GALNT11: variants seen among roughly 807,000 people sequenced by gnomAD.
The protein encoded by GALNT11 is polypeptide N-acetylgalactosaminyltransferase 11.
A neutral mutation model predicts 72.7 loss-of-function variants in GALNT11; 47 were observed. The observed-to-expected ratio is 0.65, with a 90% CI of 0.51 to 0.82. The LOEUF (loss-of-function observed/expected upper bound fraction) is 0.82. Ranked by LOEUF, GALNT11 falls within the 40% of genes least tolerant of loss-of-function variation. The pLI is 0.00. For missense variants in GALNT11, 677 were observed against 778.4 expected, an observed-to-expected ratio of 0.87 and a Z score of 1.55; for synonymous variants, 270 against 286.6, an observed-to-expected ratio of 0.94 and a Z score of 0.58.
At chr7:152,026,136 C>A (rs949139890) in intron 1 of GALNT11, among the ~76,000 whole-genome samples, 3 of 152,140 alleles carry the variant, frequency 2.0e-5, no homozygotes, top group African/African-American at 7.2e-5. Flanking sequence ...GCGCTGGCCT[C>A]GTTTTCGCGT....
intron 2 of GALNT11, among the ~76,000 whole-genome samples, chr7:152,099,515 C>T (rs2086638072): frequency 6.8e-6 from 1 of 147,692 alleles, no homozygotes; most frequent in African/African-American, 2.5e-5. Flanking sequence ...GGGAATGCAC[C>T]ACCACTCCCG....
rs1204509628 is a variant in GALNT11, at chr7:152,121,643, G to T, written c.1793G>T (p.Gly598Val). The T allele has an allele frequency of 6.2e-7, 1 of 1,614,226 alleles. No homozygotes were observed. The change falls in exon 12 of 12, where the codon GGC becomes GTC. Residue 598 changes from glycine (G) to valine (V), a missense_variant. By Grantham distance (109) the Gly-to-Val change is moderately radical. Coordinates refer to ENST00000430044, the MANE Select transcript of GALNT11 (RefSeq NM_022087.4). ...KGSVAMAICD[G>V]SSSQQWHLEG ...TCTGTCGCCATGGCGATCTGCGATG[G>T]CTCCTCTTCACAGCAGTGGCATTTG...
chr7:152,105,185 T>C (rs2087399167), intron 4 of GALNT11, 60 bp from the exon 5 acceptor site: 3 of 1,544,522 alleles, frequency 1.9e-6, no homozygotes, highest in Non-Finnish European at 2.6e-6. Flanking sequence ...TTAGAATAGC[T>C]GTAAAGTGTC....
chr7:152,078,928 C>T lies in GALNT11; in HGVS notation c.-38-15262C>T, dbSNP rs75262671. The stretch of plus-strand genomic sequence containing the variant: ...CAGGAATTTCAGCATAATGGGCAGT[C>T]AGGGGGCAGAGCCCCTCACTGGCAC... On this transcript the variant is annotated intron_variant, in intron 1 of 11. Transcript: ENST00000430044. Among the ~76,000 whole-genome samples the T allele has an allele frequency of 9.4e-3, 1,429 of 152,294 alleles. 18 individuals are homozygous for T. Among genetic ancestry groups the T allele is most frequent in the African/African-American group, 0.033 (1,361 of 41,552 alleles).
intron 1 of GALNT11, among the ~76,000 whole-genome samples, chr7:152,036,008 G>A (rs1366969825): frequency 3.9e-5 from 6 of 152,232 alleles, no homozygotes; most frequent in South Asian, 2.1e-4. Context: ...TGCTGCTGGC[G>A]CAACTGTCCT....
chr7:152,106,606 C>G (rs935029128), intron 5 of GALNT11, among the ~76,000 whole-genome samples: 1 of 152,086 alleles, frequency 6.6e-6, no homozygotes, highest in African/African-American at 2.4e-5. Flanking sequence ...AAGTGAAAAT[C>G]CTGGGGTATT....
chr7:152,106,272 T>TTCCTATATTCCACG (rs890593611), intron 5 of GALNT11, among the ~76,000 whole-genome samples: 3 of 152,256 alleles, frequency 2.0e-5, no homozygotes, highest in African/African-American at 7.2e-5. Context: ...ACTGCAGTCC[T>TTCCTATATTCCACG]TCCTATATTC....
chr7:152,054,881 G>A (rs1309115560), intron 1 of GALNT11, among the ~76,000 whole-genome samples: 2 of 151,990 alleles, frequency 1.3e-5, no homozygotes, highest in Non-Finnish European at 2.9e-5. Context: ...TGTTTGTTAG[G>A]GTTCTCCAGA....
intron 1 of GALNT11, among the ~76,000 whole-genome samples, chr7:152,027,063 C>T (rs2082053958): frequency 6.6e-6 from 1 of 152,196 alleles, no homozygotes; most frequent in South Asian, 2.1e-4. Context: ...TCCTGGCTAA[C>T]ACGGTGAAAT....
In GALNT11 at chr7:152,108,230, G is replaced by A; in HGVS notation, c.905G>A (p.Trp302Ter). 2 of 1,614,082 alleles carry A rather than the reference G, an allele frequency of 1.2e-6. No individual in the cohort carries two copies. The highest frequency in any genetic ancestry group is 1.7e-6 in the Non-Finnish European group (2 of 1,179,954). Residue 302 changes from tryptophan to a stop codon, truncating the protein, a stop_gained, in exon 6 of 12, where the codon TGG (tryptophan) becomes TAG (stop). Coordinates refer to ENST00000430044, the MANE Select transcript of GALNT11 (RefSeq NM_022087.4). LOFTEE classifies it high-confidence loss of function. ...TTCAACTGGGGACTGCACTTCAAAT[G>A]GGATCTTGTCCCCCTTTCTGAGCTA... ...GGFNWGLHFK[W>*]DLVPLSELGR...
intron 1 of GALNT11, among the ~76,000 whole-genome samples, chr7:152,038,121 CATT>C (rs2082673864): frequency 1.3e-5 from 2 of 152,174 alleles, no homozygotes; most frequent in Admixed American, 6.6e-5. Context: ...TTGCAGAGAT[CATT>C]CACTGCCGAG....
intron 10 of GALNT11, 185 bp from the exon 11 acceptor site, chr7:152,120,646 C>T (rs1248174213): frequency 1.0e-5 from 6 of 572,376 alleles, no homozygotes; most frequent in Non-Finnish European, 1.5e-5. Flanking sequence ...AATAGCACCT[C>T]ACTTTCTCCT....
intron 10 of GALNT11, 99 bp from the exon 11 acceptor site, chr7:152,120,732 G>A: frequency 1.8e-6 from 2 of 1,090,718 alleles, no homozygotes; most frequent in Non-Finnish European, 2.7e-6. Flanking sequence ...GTCTGTTTCT[G>A]CTTTGAGACC....
At chr7:152,096,283 A>T (rs2086366218) in intron 2 of GALNT11, among the ~76,000 whole-genome samples, 1 of 152,250 alleles carries the variant, frequency 6.6e-6, no homozygotes, top group South Asian at 2.1e-4. Flanking sequence ...CCTAAAATTA[A>T]TATGGAATTA....
intron 1 of GALNT11, among the ~76,000 whole-genome samples, chr7:152,071,488 T>A (rs1317315284): frequency 1.3e-5 from 2 of 152,214 alleles, no homozygotes; most frequent in Non-Finnish European, 2.9e-5. Flanking sequence ...TATCCTGTTC[T>A]TTTTTCAAGG....
chr7:152,031,608 C>G (rs1414169764), intron 1 of GALNT11, among the ~76,000 whole-genome samples: 2 of 152,204 alleles, frequency 1.3e-5, no homozygotes, highest in Admixed American at 6.5e-5. Flanking sequence ...GTGAGGCCAG[C>G]CTTTTGCTAC....
At chr7:152,087,591 G>A (rs2085731162) in intron 1 of GALNT11, among the ~76,000 whole-genome samples, 1 of 152,162 alleles carries the variant, frequency 6.6e-6, no homozygotes, top group Non-Finnish European at 1.5e-5. Context: ...TAGATCTAAT[G>A]ACAAAAAATT....
At position 152,117,192 on chromosome 7, in the gene GALNT11, G is replaced by A. The variant is rs1157539020; in HGVS notation, c.1269G>A (p.Thr423=). The part of the protein sequence containing the change: ...QYFSLRPDLK[T]KSYGNISERV... ...TTTCCTTAAGACCTGACCTGAAGAC[G>A]AAAAGCTATGGCAATATCAGTGAGC... Residue 423 remains threonine, a synonymous_variant, in exon 9 of 12, where the codon ACG becomes ACA. Coordinates refer to ENST00000430044, the MANE Select transcript of GALNT11 (RefSeq NM_022087.4). 9.3e-6 allele frequency: 15 copies of A among 1,612,194 alleles called. No individual in the cohort carries two copies. Among genetic ancestry groups the A allele is most frequent in the Admixed American group, 5.0e-5 (3 of 59,728 alleles).
chr7:152,031,807 A>G (rs1381085620), intron 1 of GALNT11, among the ~76,000 whole-genome samples: 1 of 152,146 alleles, frequency 6.6e-6, no homozygotes, highest in Non-Finnish European at 1.5e-5. Context: ...TCTGGTTCCC[A>G]TTCTACTAGA....
Sources: allele counts gnomAD v4.1 joint callset (sites outside exome capture counted in the v4.1 genomes callset), GRCh38; gene constraint gnomAD v4.1.1; transcripts MANE v1.5; gene names NCBI Gene and HGNC (gene_info 2026-07-23, HGNC 2026-07-21).